PKNOX2: variants seen among roughly 807,000 people sequenced by gnomAD.
PKNOX2 encodes PBX/knotted 1 homeobox 2.
A neutral mutation model predicts 53.1 loss-of-function variants in PKNOX2; 14 were observed. The ratio of observed to expected loss-of-function variants is 0.26; its 90% CI spans 0.17 to 0.41. PKNOX2 has a LOEUF of 0.41. Ranked by LOEUF, PKNOX2 falls within the 10% of genes least tolerant of loss-of-function variation. The pLI, the probability that PKNOX2 is intolerant of heterozygous loss-of-function variation, is 1.00. For synonymous variants in PKNOX2, 257 were observed against 242.8 expected, an observed-to-expected ratio of 1.06 and a Z score of -0.54; for missense variants, 496 against 602.8, an observed-to-expected ratio of 0.82 and a Z score of 1.85.
chr11:125,410,659 A>G (rs889864707), intron 8 of PKNOX2, 120 bp from the exon 9 acceptor site: 6 of 767,344 alleles, frequency 7.8e-6, no homozygotes, highest in Admixed American at 6.9e-5. Flanking sequence ...ATAGCTCGCT[A>G]CCCAAGGGCT....
chr11:125,426,128 A>G (rs1003961948), intron 10 of PKNOX2, among the ~76,000 whole-genome samples: 15 of 152,206 alleles, frequency 9.9e-5, no homozygotes, highest in East Asian at 3.8e-4. Context: ...AGCAAACATT[A>G]TTCTTCCAAG....
intron 5 of PKNOX2, among the ~76,000 whole-genome samples, chr11:125,380,661 C>T (rs1254632216): frequency 6.8e-4 from 103 of 152,192 alleles, no homozygotes; most frequent in Admixed American, 6.7e-3. Flanking sequence ...CCTGAAAAAC[C>T]ATTTTGTAGT....
intron 1 of PKNOX2, among the ~76,000 whole-genome samples, chr11:125,187,172 T>G (rs1270828154): frequency 6.6e-6 from 1 of 152,206 alleles, no homozygotes; most frequent in Non-Finnish European, 1.5e-5. Context: ...TTCCTCTTTT[T>G]CAAGATTATT....
intron 1 of PKNOX2, among the ~76,000 whole-genome samples, chr11:125,197,416 G>C (rs1937848398): frequency 6.6e-6 from 1 of 152,162 alleles, no homozygotes; most frequent in South Asian, 2.1e-4. Context: ...CCAAGGATCA[G>C]GCCACCCCTA....
At chr11:125,224,054 T>A (rs1941457819) in intron 1 of PKNOX2, among the ~76,000 whole-genome samples, 1 of 152,262 alleles carries the variant, frequency 6.6e-6, no homozygotes, top group African/African-American at 2.4e-5. Context: ...ACACAGCTTT[T>A]CCCCTTTGCC....
chr11:125,353,808 C>T lies in PKNOX2; in HGVS notation c.87+2416C>T, dbSNP rs116242021. On this transcript the variant is annotated intron_variant, in intron 4 of 12. Coordinates refer to ENST00000298282, the MANE Select transcript of PKNOX2 (RefSeq NM_001382323.2). Reference sequence around the variant, plus strand: ...GGTCAAGATGTCAGGGTCTTTACGGCCTTGATGAAGGCACTAGGCTATGCC... The same window carrying T: ...GGTCAAGATGTCAGGGTCTTTACGGTCTTGATGAAGGCACTAGGCTATGCC... 8.3e-3 allele frequency among the ~76,000 whole-genome samples: 1,268 copies of T among 152,294 alleles called. 15 individuals carry two copies. Among genetic ancestry groups the T allele is most frequent in the African/African-American group, 0.028 (1,164 of 41,560 alleles).
At chr11:125,333,156 T>C (rs1487280468) in intron 3 of PKNOX2, among the ~76,000 whole-genome samples, 1 of 152,088 alleles carries the variant, frequency 6.6e-6, no homozygotes, top group Non-Finnish European at 1.5e-5. Flanking sequence ...TGGGCAGGGA[T>C]TGAAGAAGAT....
At chr11:125,265,698 A>G (rs1291069839) in intron 2 of PKNOX2, among the ~76,000 whole-genome samples, 1 of 151,986 alleles carries the variant, frequency 6.6e-6, no homozygotes, top group Non-Finnish European at 1.5e-5. Flanking sequence ...CTCAGCCCCC[A>G]CCCCAATGGT....
intron 1 of PKNOX2, among the ~76,000 whole-genome samples, chr11:125,171,464 T>C (rs1453005444): frequency 6.6e-6 from 1 of 152,228 alleles, no homozygotes; most frequent in African/African-American, 2.4e-5. Flanking sequence ...TTACCTGTCA[T>C]ATGGATCTAG....
At chr11:125,308,807 G>A (rs1388583580) in intron 2 of PKNOX2, among the ~76,000 whole-genome samples, 2 of 152,122 alleles carry the variant, frequency 1.3e-5, no homozygotes, top group East Asian at 3.9e-4. Flanking sequence ...TCACATAAAG[G>A]GGAAATTGGT....
At chr11:125,244,639 A>G (rs1031785986) in intron 2 of PKNOX2, among the ~76,000 whole-genome samples, 1 of 152,112 alleles carries the variant, frequency 6.6e-6, no homozygotes, top group Admixed American at 6.5e-5. Flanking sequence ...CACTGAACCT[A>G]TTTGTGAGTG....
At chr11:125,378,734 G>T (rs1408472116) in intron 5 of PKNOX2, among the ~76,000 whole-genome samples, 1 of 152,192 alleles carries the variant, frequency 6.6e-6, no homozygotes, top group East Asian at 1.9e-4. Context: ...AGAGTGGCAT[G>T]ACTGTGAATC....
At chr11:125,378,053 G>A (rs889317494) in intron 5 of PKNOX2, among the ~76,000 whole-genome samples, 11 of 152,238 alleles carry the variant, frequency 7.2e-5, no homozygotes, top group Non-Finnish European at 1.2e-4. Flanking sequence ...GCGGTAAACA[G>A]ATGCCCCAGG....
At position 125,385,554 on chromosome 11, in the gene PKNOX2, C is replaced by T. The variant is rs757000481; in HGVS notation, c.231C>T (p.His77=). 2.1e-5 allele frequency: 33 copies of T among 1,606,940 alleles called. No individual in the cohort carries two copies. The highest frequency in any genetic ancestry group is 2.8e-5 in the Non-Finnish European group (33 of 1,177,248). ...LEADKRAVYR[H]PLFPLLTLLF... ...TGAGCTCTTGATGTCCCTGCAGGCA[C>T]CCTCTTTTCCCGCTCCTGACGCTGC... The change falls in exon 6 of 13, where the codon CAC becomes CAT. Residue 77 remains histidine (H), a synonymous_variant. Coordinates refer to ENST00000298282, the MANE Select transcript of PKNOX2 (RefSeq NM_001382323.2).
At chr11:125,176,514 A>G (rs1254095593) in intron 1 of PKNOX2, among the ~76,000 whole-genome samples, 1 of 152,152 alleles carries the variant, frequency 6.6e-6, no homozygotes, top group Non-Finnish European at 1.5e-5. Context: ...CTCAACAGGG[A>G]GCATGACCTA....
chr11:125,261,146 G>A (rs1188560223), intron 2 of PKNOX2, among the ~76,000 whole-genome samples: 6 of 152,196 alleles, frequency 3.9e-5, no homozygotes, highest in South Asian at 4.1e-4. Context: ...GATTTGGATC[G>A]TGGGTCCTGG....
chr11:125,198,238 C>T (rs1204218164), intron 1 of PKNOX2, among the ~76,000 whole-genome samples: 1 of 152,192 alleles, frequency 6.6e-6, no homozygotes, highest in African/African-American at 2.4e-5. Flanking sequence ...TCAAATGTTC[C>T]ACCATCATTT....
At chr11:125,302,440 G>A (rs557565247) in intron 2 of PKNOX2, among the ~76,000 whole-genome samples, 6 of 152,254 alleles carry the variant, frequency 3.9e-5, no homozygotes, top group African/African-American at 9.6e-5. Context: ...TCCCACCTTC[G>A]GGCTGCACAC....
Position 125,352,673 on chromosome 11 carries a change from C to T in PKNOX2, c.87+1281C>T, listed in dbSNP as rs562721614. On this transcript the variant is annotated intron_variant, in intron 4 of 12. Coordinates refer to ENST00000298282, the MANE Select transcript of PKNOX2 (RefSeq NM_001382323.2). The surrounding 1 kb of genome is among the most constrained non-coding windows in gnomAD (Gnocchi z 4.1). ...GTACCCAGCATATGGAACACCTTTG[C>T]TCTGCCCTTGAAGGTCCAAAAGCCC... Among the ~76,000 whole-genome samples, 1 of 152,322 alleles carries T rather than the reference C, an allele frequency of 6.6e-6. No homozygotes were observed. The highest frequency in any genetic ancestry group is 1.5e-5 in the Non-Finnish European group (1 of 68,026).
Sources: allele counts gnomAD v4.1 joint callset (sites outside exome capture counted in the v4.1 genomes callset), GRCh38; gene constraint gnomAD v4.1.1; non-coding constraint Gnocchi (gnomAD v3.1); transcripts MANE v1.5; gene names NCBI Gene and HGNC (gene_info 2026-07-23, HGNC 2026-07-21).